The following COL9A1 variants were observed in gnomAD, a reference collection of about 807,000 sequenced individuals.
The protein encoded by COL9A1 is collagen alpha-1(IX) chain.
A neutral mutation model predicts 142.6 loss-of-function variants in COL9A1; 104 were observed. That is an observed-to-expected ratio of 0.73 (90% CI 0.62 to 0.86). COL9A1 has a LOEUF of 0.86. Ranked by LOEUF, COL9A1 falls within the 40% of genes least tolerant of loss-of-function variation. The pLI is 0.00. For synonymous variants in COL9A1, 466 were observed against 396.0 expected (o/e 1.18, Z -2.10); for missense variants, 1,210 against 1,176.6 (o/e 1.03, Z -0.42).
intron 25 of COL9A1, among the ~76,000 whole-genome samples, chr6:70,254,102 A>G (rs1771118500): frequency 6.6e-6 from 1 of 152,188 alleles, no homozygotes; most frequent in African/African-American, 2.4e-5. Flanking sequence ...TCACCTGAGT[A>G]TACTCTCAGC....
Position 70,279,277 on chromosome 6 carries a change from T to G in COL9A1, c.975+1535A>C, listed in dbSNP as rs138139527. 6.2e-3 allele frequency among the ~76,000 whole-genome samples: 951 copies of G among 152,344 alleles called. 32 individuals are homozygous for G. Among genetic ancestry groups the G allele is most frequent in the Admixed American group, 0.051 (775 of 15,302 alleles). On this transcript the variant is annotated intron_variant, in intron 10 of 37. Transcript: ENST00000357250. ...ATTATAGATGTTCCAAAGAGTTTGA[T>G]TGCCAACAAGTTATATTATTTCAGT...
downstream of COL9A1, chr6:70,215,912 AACACACACACACAC>A (rs10528566): frequency 6.7e-6 from 1 of 149,196 alleles, no homozygotes; most frequent in African/African-American, 2.5e-5. Context: ...TACACACTAA[AACACACACACACAC>A]ACACACACAC....
At chr6:70,282,553 A>G (rs1303966562) in intron 7 of COL9A1, among the ~76,000 whole-genome samples, 1 of 148,638 alleles carries the variant, frequency 6.7e-6, no homozygotes, top group Non-Finnish European at 1.5e-5. Flanking sequence ...CCTGCTGTTG[A>G]CAGTGACCAG....
intron 10 of COL9A1, among the ~76,000 whole-genome samples, chr6:70,279,055 G>C (rs1772946054): frequency 6.6e-6 from 1 of 151,994 alleles, no homozygotes; most frequent in Admixed American, 6.6e-5. Context: ...ATAAATTTTT[G>C]AAATACAAAA....
rs1006449331 is a variant in COL9A1, at chr6:70,235,700, C to T, written c.2113-760G>A. Among the ~76,000 whole-genome samples the T allele has an allele frequency of 2.0e-5, 3 of 147,646 alleles. No individual in the cohort carries two copies. In the East Asian group the frequency reaches 5.8e-4, roughly 28 times the overall value. ...CATAAAATAAAGATATTTCCAAGAA[C>T]ATAAGTTATTTAGCCCTTACAACTT... On this transcript the variant is annotated intron_variant, in intron 33 of 37. Transcript: ENST00000357250.
intron 26 of COL9A1, among the ~76,000 whole-genome samples, chr6:70,253,012 A>G (rs1223246849): frequency 6.8e-6 from 1 of 146,228 alleles, no homozygotes; most frequent in Non-Finnish European, 1.5e-5. Flanking sequence ...GTCGATCAGT[A>G]TGTGAAAAAA....
At chr6:70,301,883 GAA>G (rs2127609356) in intron 2 of COL9A1, 116 bp downstream of exon 2, 1 of 818,696 alleles carries the variant, frequency 1.2e-6, no homozygotes, top group African/African-American at 1.7e-5. Flanking sequence ...AAGCTGGATT[GAA>G]GAGTGAGGGT....
At chr6:70,264,309 T>C (rs1771879864) in intron 18 of COL9A1, among the ~76,000 whole-genome samples, 1 of 152,084 alleles carries the variant, frequency 6.6e-6, no homozygotes, top group African/African-American at 2.4e-5. Flanking sequence ...TGCATTAAAT[T>C]AATAAATTAA....
Position 70,242,029 on chromosome 6 carries a change from G to T in COL9A1, c.1933C>A (p.Leu645Met). 6.3e-7 allele frequency: 1 copy of T among 1,592,326 alleles called. No individual in the cohort carries two copies. The highest frequency in any genetic ancestry group is 1.3e-5 in the African/African-American group (1 of 74,440). Residue 645 changes from leucine to methionine, a missense_variant, in exon 30 of 38, where the codon CTG (leucine) becomes ATG (methionine). By Grantham distance (15) the Leu-to-Met change is conservative. Transcript: ENST00000357250. ...SPGLPGKLGS[L>M]GSPGLPGLPG... ...AAGCCAGGGAGGCCAGGGCTACCCA[G>T]AGAACCCTGGAAAGCAAAAACAAAG...
intron 25 of COL9A1, 80 bp from the exon 26 acceptor site, chr6:70,253,509 G>T: frequency 1.1e-6 from 1 of 951,092 alleles, no homozygotes; most frequent in Admixed American, 1.8e-5. Context: ...GCACACTGCA[G>T]GGAGGCTGAG....
At chr6:70,296,075 ATG>A (rs1399923002) in intron 4 of COL9A1, among the ~76,000 whole-genome samples, 13 of 152,154 alleles carry the variant, frequency 8.5e-5, no homozygotes, top group Non-Finnish European at 4.4e-5. Flanking sequence ...AAACTTTATT[ATG>A]TCTTATAACA....
At chr6:70,293,985 G>A (rs1470923169) in intron 5 of COL9A1, among the ~76,000 whole-genome samples, 182 bp downstream of exon 5, 1 of 152,068 alleles carries the variant, frequency 6.6e-6, no homozygotes, top group African/African-American at 2.4e-5. Flanking sequence ...GCACTAGGTG[G>A]GCATGTAACA....
At chr6:70,301,649 T>G (rs1774068499) in intron 2 of COL9A1, among the ~76,000 whole-genome samples, 1 of 152,126 alleles carries the variant, frequency 6.6e-6, no homozygotes, top group Admixed American at 6.5e-5. Flanking sequence ...CTCTTTATAC[T>G]CTCCTCACCC....
chr6:70,264,500 T>C (rs935606322), intron 18 of COL9A1, among the ~76,000 whole-genome samples: 1 of 152,064 alleles, frequency 6.6e-6, no homozygotes, highest in Non-Finnish European at 1.5e-5. Context: ...ATTAGCTAGT[T>C]CTTGGCACAG....
chr6:70,231,345 G>A (rs1158734750), intron 36 of COL9A1, among the ~76,000 whole-genome samples: 1 of 152,174 alleles, frequency 6.6e-6, no homozygotes, highest in African/African-American at 2.4e-5. Context: ...CATAGAGAGA[G>A]CACCTAAGGC....
rs1294981944 is a variant in COL9A1, at chr6:70,300,436, T to TATA, written c.89-53_89-51dup. The TATA allele has an allele frequency of 3.8e-6, 3 of 796,230 alleles. No homozygotes were observed. The East Asian group carries it at 8.9e-5, about 24-fold the overall frequency. The allele number at this position is 796,230 out of a possible 1,614,324, so 49.3% of individuals were successfully genotyped here. On this transcript the variant is annotated intron_variant, in intron 2 of 37. Coordinates refer to ENST00000357250, the MANE Select transcript of COL9A1 (RefSeq NM_001851.6). ...CTACTTCATCCACTCTAACTTAAAG[T>TATA]ATAATAATAATAAAATAAAATAAAA... is the stretch of plus-strand genomic sequence containing the variant.
rs769216302 is a variant in COL9A1, at chr6:70,283,760, G to T, written c.757C>A (p.His253Asn). 5.6e-6 allele frequency: 9 copies of T among 1,611,982 alleles called. No homozygotes were observed. In the South Asian group the frequency reaches 8.9e-5, roughly 16 times the overall value. The change falls in exon 6 of 38, where the codon CAT becomes AAT. Residue 253 changes from histidine (H) to asparagine (N), a missense_variant. Transcript: ENST00000357250. ...DPLRPRRETC[H>N]ELPARITPSQ... ...ACCGTTATTCTGGCTGGCAGCTCAT[G>T]GCAAGTTTCTCTCCTGGGCCGCAGG...
chr6:70,246,798 G>A (rs1482411877), intron 28 of COL9A1, among the ~76,000 whole-genome samples: 1 of 152,156 alleles, frequency 6.6e-6, no homozygotes, highest in African/African-American at 2.4e-5. Flanking sequence ...CATATGCGAG[G>A]GTGGAAATAA....
intron 19 of COL9A1, 62 bp downstream of exon 19, chr6:70,263,180 AAC>A: frequency 7.7e-7 from 1 of 1,293,608 alleles, no homozygotes; most frequent in Middle Eastern, 2.0e-4. Context: ...AAAATATTCC[AAC>A]AGTCATGAAA....
Sources: allele counts gnomAD v4.1 joint callset (sites outside exome capture counted in the v4.1 genomes callset), GRCh38; gene constraint gnomAD v4.1.1; transcripts MANE v1.5; gene names NCBI Gene and HGNC (gene_info 2026-07-23, HGNC 2026-07-21).